MPP4: variants seen among roughly 807,000 people sequenced by gnomAD.
The protein encoded by MPP4 is MAGUK p55 subfamily member 4.
MPP4 carries 91 observed loss-of-function variants against 98.3 expected under a neutral mutation model. The ratio of observed to expected loss-of-function variants is 0.93; its 90% CI spans 0.78 to 1.10. MPP4 has a LOEUF of 1.10. Ranked by LOEUF, MPP4 falls within the 50% of genes least tolerant of loss-of-function variation. The pLI, the probability that MPP4 is intolerant of heterozygous loss-of-function variation, is 0.00. For missense variants in MPP4, 744 were observed against 792.9 expected (o/e 0.94, Z 0.74); for synonymous variants, 261 against 271.8 (o/e 0.96, Z 0.39).
intron 7 of MPP4, among the ~76,000 whole-genome samples, chr2:201,683,261 G>A (rs1688714549): frequency 1.3e-5 from 2 of 152,232 alleles, no homozygotes; most frequent in Admixed American, 6.5e-5. Context: ...AGGAAATGGG[G>A]TAGGTATTAT....
At chr2:201,687,094 G>T (rs1045438651) in intron 5 of MPP4, among the ~76,000 whole-genome samples, 197 bp downstream of exon 5, 5 of 152,138 alleles carry the variant, frequency 3.3e-5, no homozygotes, top group Non-Finnish European at 7.4e-5. Context: ...AACACAGCAG[G>T]CTTGACTGCA....
Position 201,647,766 on chromosome 2 carries a change from C to T in MPP4, c.1644G>A (p.Ser548=), listed in dbSNP as rs750057491. The T allele has an allele frequency of 8.1e-6, 13 of 1,613,728 alleles. No individual in the cohort carries two copies. Among genetic ancestry groups the T allele is most frequent in the Middle Eastern group, 1.6e-4 (1 of 6,084 alleles). The change falls in exon 21 of 22, where the codon TCG becomes TCA. Residue 548 remains serine, a synonymous_variant. Coordinates refer to ENST00000409474, the MANE Select transcript of MPP4 (RefSeq NM_033066.3). ...LKPYVIFIKP[S]NMRCMKQSRK... ...GAGATTGTTTCATACACCTCATATT[C>T]GATGGCTTTATAAATATGACATAGG...
chr2:201,679,958 C>T (rs1231114924), intron 10 of MPP4: 1 of 152,202 alleles, frequency 6.6e-6, no homozygotes, highest in Admixed American at 6.5e-5. Context: ...CAATTCTCAG[C>T]CTTCCCAGCA....
chr2:201,678,745 T>A (rs1475963894), intron 10 of MPP4, among the ~76,000 whole-genome samples: 1 of 152,068 alleles, frequency 6.6e-6, no homozygotes, highest in African/African-American at 2.4e-5. Context: ...TGTCCTTGCT[T>A]CTCACTGCCA....
intron 5 of MPP4, among the ~76,000 whole-genome samples, chr2:201,686,663 A>G (rs1294797430): frequency 1.3e-5 from 2 of 152,218 alleles, no homozygotes; most frequent in African/African-American, 4.8e-5. Flanking sequence ...GACACAATTT[A>G]GTTGGAACTC....
At chr2:201,690,884 C>A (rs1426387615) in intron 3 of MPP4, among the ~76,000 whole-genome samples, 2 of 152,146 alleles carry the variant, frequency 1.3e-5, no homozygotes, top group African/African-American at 4.8e-5. Flanking sequence ...TTTTTCCATA[C>A]CAAGATCTAG....
chr2:201,664,229 C>G (rs1043641801), intron 13 of MPP4, 128 bp from the exon 14 acceptor site: 12 of 1,490,188 alleles, frequency 8.1e-6, no homozygotes, highest in Non-Finnish European at 9.9e-6. Flanking sequence ...AGTTTTTTTC[C>G]TAAATCAAGG....
chr2:201,697,237 A>G (rs115920957), intron 1 of MPP4, among the ~76,000 whole-genome samples: 1 of 152,194 alleles, frequency 6.6e-6, no homozygotes, highest in Non-Finnish European at 1.5e-5. Context: ...GAGAAAATAC[A>G]TTTCTGTTGT....
chr2:201,660,387 T>C, intron 14 of MPP4, 41 bp from the exon 15 acceptor site: 1 of 1,609,078 alleles, frequency 6.2e-7, no homozygotes, highest in Non-Finnish European at 8.5e-7. Context: ...ATGAAAAAGT[T>C]AAGCCTTTAA....
At chr2:201,691,532 T>C (rs1689025719) in intron 3 of MPP4, among the ~76,000 whole-genome samples, 2 of 152,218 alleles carry the variant, frequency 1.3e-5, no homozygotes. Context: ...TATTTATTTA[T>C]TTTGAGATGG....
intron 21 of MPP4, chr2:201,646,785 A>G (rs2105908472): frequency 6.6e-6 from 1 of 152,380 alleles, no homozygotes; most frequent in South Asian, 2.1e-4. Context: ...TTGTACAAGC[A>G]TGACATACAA....
chr2:201,650,366 T>C lies in MPP4; in HGVS notation c.1382-201A>G, dbSNP rs915077866. On this transcript the variant is annotated intron_variant, in intron 18 of 21. Coordinates refer to ENST00000409474, the MANE Select transcript of MPP4 (RefSeq NM_033066.3). ...AGTTAGTCTATAAACCTTTACTGAG[T>C]GCTTATGGTATGAAAAAGAATGCAC... 9 of 985,448 alleles carry C rather than the reference T, an allele frequency of 9.1e-6. No individual in the cohort carries two copies. In the East Asian group the frequency reaches 5.7e-4, roughly 62 times the overall value. 61.0% of individuals were successfully genotyped at this position (985,448 alleles called of 1,614,324 possible). A position where few individuals can be genotyped will look rare whatever the true frequency, so the allele number is the denominator to read the frequency against.
At chr2:201,697,563 G>A (rs1164623226) in intron 1 of MPP4, among the ~76,000 whole-genome samples, 3 of 152,148 alleles carry the variant, frequency 2.0e-5, no homozygotes, top group Non-Finnish European at 1.5e-5. Context: ...TGTTGGGAAG[G>A]GGTAGAACAA....
intron 8 of MPP4, 85 bp downstream of exon 8, chr2:201,682,746 C>T: frequency 8.7e-7 from 1 of 1,150,744 alleles, no homozygotes; most frequent in Non-Finnish European, 1.3e-6. Context: ...CGGTACATCC[C>T]AGTGCACACA....
intron 10 of MPP4, among the ~76,000 whole-genome samples, chr2:201,675,944 G>GCATCA (rs887584146): frequency 1.3e-5 from 2 of 152,236 alleles, no homozygotes; most frequent in Admixed American, 1.3e-4. Flanking sequence ...CAGAACTGCA[G>GCATCA]CATCACCTTT....
chr2:201,662,279 G>A (rs912256771), intron 14 of MPP4, among the ~76,000 whole-genome samples: 6 of 148,926 alleles, frequency 4.0e-5, no homozygotes, highest in African/African-American at 7.4e-5. Flanking sequence ...CAAGGCAGAC[G>A]GATCACTTGA....
intron 15 of MPP4, among the ~76,000 whole-genome samples, chr2:201,658,919 AC>A (rs1447619281): frequency 3.3e-5 from 5 of 151,684 alleles, no homozygotes; most frequent in East Asian, 3.9e-4. Context: ...CTCCCTGCCT[AC>A]CCCCCTGCTG....
rs769144617 is a variant in MPP4 at position 201,669,760 on chromosome 2, A to G, written c.995-10T>C. Reference sequence around the variant, plus strand: ...TCTTCCATAGAAATTGCTGAGTACAAGCAAATGATTGAAGCAGGGGGGATA... The same window carrying G: ...TCTTCCATAGAAATTGCTGAGTACAGGCAAATGATTGAAGCAGGGGGGATA... On this transcript the variant is annotated splice_polypyrimidine_tract_variant and intron_variant, in intron 11 of 21. Transcript: ENST00000409474. The G allele has an allele frequency of 3.5e-6, 5 of 1,418,686 alleles. No homozygotes were observed. In the African/African-American group the frequency reaches 5.7e-5, roughly 16 times the overall value. The allele number at this position is 1,418,686 out of a possible 1,614,324, so 87.9% of individuals were successfully genotyped here.
chr2:201,661,404 G>C, intron 14 of MPP4: 1 of 456,506 alleles, frequency 2.2e-6, no homozygotes, highest in Admixed American at 2.3e-5. Flanking sequence ...AATGCCAAGG[G>C]TTCTATGCTT....
Sources: allele counts gnomAD v4.1 joint callset (sites outside exome capture counted in the v4.1 genomes callset), GRCh38; gene constraint gnomAD v4.1.1; transcripts MANE v1.5; gene names NCBI Gene and HGNC (gene_info 2026-07-23, HGNC 2026-07-21).